DEFB110: variants seen among roughly 807,000 people sequenced by gnomAD.
DEFB110 encodes defensin beta 110.
A neutral mutation model predicts 2.5 loss-of-function variants in DEFB110; 4 were observed. That is an observed-to-expected ratio of 1.60 (90% CI 0.79 to 3.66). The LOEUF is 3.66. DEFB110 is among the 30% of genes most tolerant of loss of function. DEFB110 has a pLI of 0.01. For synonymous variants in DEFB110, 29 were observed against 21.8 expected, an observed-to-expected ratio of 1.33 and a Z score of -0.92; for missense variants, 94 against 75.4, an observed-to-expected ratio of 1.25 and a Z score of -0.91.
chr6:50,018,930 C>A lies in DEFB110; in HGVS notation c.*47G>T, dbSNP rs368447460. ...AGGATGTGCTGGGAAAACTTAATAA[C>A]GCTGGTCTCTCTTCTTGGAGCTTGT... On this transcript the variant is annotated 3_prime_UTR_variant, in exon 2 of 2. Transcript: ENST00000371148. The A allele has an allele frequency of 7.0e-6, 11 of 1,571,880 alleles. No homozygotes were observed. The South Asian group carries it at 1.1e-4, about 15-fold the overall frequency.
downstream of DEFB110, among the ~76,000 whole-genome samples, chr6:50,016,685 C>CT (rs371836061): frequency 5.8e-3 from 883 of 151,348 alleles, 14 homozygotes; most frequent in African/African-American, 0.021. Flanking sequence ...AGTTTTCAGT[C>CT]TTTTTTTCAC....
downstream of DEFB110, among the ~76,000 whole-genome samples, chr6:50,018,515 C>T (rs374014348): frequency 6.6e-6 from 1 of 151,968 alleles, no homozygotes; most frequent in African/African-American, 2.4e-5. Context: ...GATCTGCCCT[C>T]TCAATGTCCA....
intron 1 of DEFB110, among the ~76,000 whole-genome samples, chr6:50,010,621 G>A (rs570930960): frequency 6.7e-6 from 1 of 149,054 alleles, no homozygotes; most frequent in Non-Finnish European, 1.5e-5. Flanking sequence ...TATTTTTGAT[G>A]TATATATATA....
chr6:50,009,367 A>G (rs1460100285), intron 1 of DEFB110: 31 of 1,302,526 alleles, frequency 2.4e-5, no homozygotes, highest in Non-Finnish European at 3.2e-5. Context: ...TTATGAGATC[A>G]TGTGTGTGCA....
chr6:50,015,926 G>C (rs1774308132), downstream of DEFB110, among the ~76,000 whole-genome samples: 1 of 151,672 alleles, frequency 6.6e-6, no homozygotes, highest in South Asian at 2.1e-4. Context: ...TTATTCATTT[G>C]TGAACTCTAT....
intron 1 of DEFB110, among the ~76,000 whole-genome samples, chr6:50,020,502 T>C (rs770768963): frequency 2.6e-5 from 4 of 152,128 alleles, no homozygotes; most frequent in Non-Finnish European, 5.9e-5. Flanking sequence ...TTTTCACATA[T>C]GAAAACAAAT....
At chr6:50,019,253 A>G (rs930925232) in intron 1 of DEFB110, 128 bp from the exon 2 acceptor site, 1 of 977,710 alleles carries the variant, frequency 1.0e-6, no homozygotes, top group Admixed American at 2.6e-5. Flanking sequence ...AGGAAAGTTT[A>G]AGTGAATTTA....
chr6:50,019,236 C>T lies in DEFB110; in HGVS notation c.56-111G>A, dbSNP rs1774375633. Reference sequence around the variant, plus strand: ...ATTATAGAGTGAAAATGTCCACCTACCTATGGAGGAAAGTTTAAGTGAATT... The same window carrying T: ...ATTATAGAGTGAAAATGTCCACCTATCTATGGAGGAAAGTTTAAGTGAATT... On this transcript the variant is annotated intron_variant, in intron 1 of 1. Coordinates refer to ENST00000371148, the MANE Select transcript of DEFB110 (RefSeq NM_001037497.2). The T allele has an allele frequency of 8.8e-6, 10 of 1,142,834 alleles. No homozygotes were observed. The South Asian group carries it at 1.4e-4, about 16-fold the overall frequency. The allele number at this position is 1,142,834 out of a possible 1,614,324, so 70.8% of individuals were successfully genotyped here. A position where few individuals can be genotyped will look rare whatever the true frequency, so the allele number is the denominator to read the frequency against.
At chr6:50,019,459 T>C (rs1774380274) in intron 1 of DEFB110, among the ~76,000 whole-genome samples, 1 of 152,114 alleles carries the variant, frequency 6.6e-6, no homozygotes. Flanking sequence ...TTGAGCTGCC[T>C]GTTCTCTGCT....
chr6:50,021,292 T>C (rs1183301759), intron 1 of DEFB110, among the ~76,000 whole-genome samples: 2 of 152,202 alleles, frequency 1.3e-5, no homozygotes, highest in African/African-American at 4.8e-5. Flanking sequence ...CTACAACTGG[T>C]ACTGTGCCAG....
chr6:50,009,885 C>G (rs956310886), intron 1 of DEFB110, among the ~76,000 whole-genome samples: 7 of 152,008 alleles, frequency 4.6e-5, no homozygotes, highest in Non-Finnish European at 1.0e-4. Flanking sequence ...TCTTGTGAAC[C>G]ATCTAAGACA....
intron 1 of DEFB110, among the ~76,000 whole-genome samples, chr6:50,012,724 T>G (rs546829186): frequency 1.3e-5 from 2 of 151,978 alleles, no homozygotes; most frequent in East Asian, 3.9e-4. Flanking sequence ...CTACTTTTAC[T>G]GTTAAATGAA....
chr6:50,019,831 G>C (rs188196665), intron 1 of DEFB110, among the ~76,000 whole-genome samples: 1 of 151,792 alleles, frequency 6.6e-6, no homozygotes, highest in South Asian at 2.1e-4. Context: ...CTTTTGACTA[G>C]GAATCAATAA....
chr6:50,018,080 T>A (rs536471848), downstream of DEFB110, among the ~76,000 whole-genome samples: 32 of 152,046 alleles, frequency 2.1e-4, no homozygotes, highest in Non-Finnish European at 4.0e-4. Context: ...AATAATATAA[T>A]TAGCTCTTCT....
In DEFB110 at chr6:50,018,848, G is replaced by T; in HGVS notation, c.*129C>A. On this transcript the variant is annotated 3_prime_UTR_variant, in exon 2 of 2. Transcript: ENST00000371148. ...GCGTGACATATGATCACTTCTGAAT[G>T]GTTCAACATTAATTTTTATTTAGTT... 6 of 1,426,280 alleles carry T rather than the reference G, an allele frequency of 4.2e-6. No individual in the cohort carries two copies. Among genetic ancestry groups the T allele is most frequent in the Non-Finnish European group, 5.5e-6 (6 of 1,096,534 alleles). 88.4% of individuals were successfully genotyped at this position (1,426,280 alleles called of 1,614,324 possible). A position where few individuals can be genotyped will look rare whatever the true frequency, so the allele number is the denominator to read the frequency against.
chr6:50,009,853 A>G (rs887504610), intron 1 of DEFB110, among the ~76,000 whole-genome samples: 2 of 152,136 alleles, frequency 1.3e-5, no homozygotes, highest in Admixed American at 1.3e-4. Context: ...GTGGAGCCTC[A>G]CATTAGTATT....
intron 1 of DEFB110, among the ~76,000 whole-genome samples, chr6:50,010,364 G>A (rs918743797): frequency 4.6e-5 from 7 of 151,692 alleles, no homozygotes; most frequent in African/African-American, 1.7e-4. Flanking sequence ...CAAAATGGTA[G>A]GCATTTATTT....
At chr6:50,020,184 A>T (rs1184107435) in intron 1 of DEFB110, among the ~76,000 whole-genome samples, 2 of 152,106 alleles carry the variant, frequency 1.3e-5, no homozygotes, top group South Asian at 4.1e-4. Flanking sequence ...ATACAAAAAT[A>T]ACTTTGTAAT....
chr6:50,016,448 A>C (rs1774317315), downstream of DEFB110, among the ~76,000 whole-genome samples: 1 of 151,878 alleles, frequency 6.6e-6, no homozygotes, highest in Non-Finnish European at 1.5e-5. Flanking sequence ...TTTTAGAACG[A>C]ATTAGTTTAA....
Sources: gnomAD v4.1 joint callset for allele counts (sites outside exome capture counted in the v4.1 genomes callset) on GRCh38, gnomAD v4.1.1 for gene constraint, MANE v1.5 for transcripts, NCBI Gene and HGNC (gene_info 2026-07-23, HGNC 2026-07-21) for gene names.